The following TTLL11 variants were observed in gnomAD, a reference collection of about 807,000 sequenced individuals.
TTLL11 encodes the protein tubulin tyrosine ligase like 11, also known as tubulin polyglutamylase TTLL11.
TTLL11 carries 42 observed loss-of-function variants against 51.7 expected under a neutral mutation model. The ratio of observed to expected loss-of-function variants is 0.81; its 90% CI spans 0.64 to 1.05. TTLL11 has a LOEUF of 1.05. TTLL11 is among the 50% of genes least tolerant of loss of function. TTLL11 has a pLI of 0.00. For missense variants in TTLL11, 799 were observed against 940.4 expected (o/e 0.85, Z 1.97); for synonymous variants, 381 against 383.5 (o/e 0.99, Z 0.08).
intron 8 of TTLL11, among the ~76,000 whole-genome samples, chr9:121,846,004 C>G (rs1837505591): frequency 1.3e-5 from 2 of 151,990 alleles, no homozygotes; most frequent in Admixed American, 6.6e-5. Context: ...CGAGACCCAA[C>G]TGAAACACAG....
chr9:122,079,582 G>A (rs946370472), intron 1 of TTLL11, among the ~76,000 whole-genome samples: 7 of 151,894 alleles, frequency 4.6e-5, no homozygotes, highest in South Asian at 2.1e-4. Context: ...GGTGGCGGGC[G>A]CCTATGGTCC....
At chr9:122,004,400 A>G (rs1843575258) in intron 3 of TTLL11, among the ~76,000 whole-genome samples, 1 of 151,362 alleles carries the variant, frequency 6.6e-6, no homozygotes, top group African/African-American at 2.4e-5. Context: ...CCCAGGCTGG[A>G]GTGCAATGGT....
chr9:121,970,862 G>A (rs550980519), intron 6 of TTLL11, among the ~76,000 whole-genome samples: 23 of 152,358 alleles, frequency 1.5e-4, no homozygotes, highest in African/African-American at 5.3e-4. Flanking sequence ...TATACCCAAA[G>A]GATTGTAAAT....
chr9:121,886,565 C>T (rs926359725), intron 6 of TTLL11, among the ~76,000 whole-genome samples: 36 of 152,198 alleles, frequency 2.4e-4, no homozygotes, highest in African/African-American at 8.4e-4. Flanking sequence ...GGGCATGGCC[C>T]TGCGGACACC....
At position 121,916,946 on chromosome 9, in the gene TTLL11, G is replaced by A. The variant is rs370679526; in HGVS notation, c.1482-46198C>T. ...CAATTAAAGGCCCATCCAAGACCCCGTCCCATTTCCTAACATATTACATTC... is the reference window on the plus strand; with the variant it reads ...CAATTAAAGGCCCATCCAAGACCCCATCCCATTTCCTAACATATTACATTC... On this transcript the variant is annotated intron_variant, in intron 6 of 8. Coordinates refer to ENST00000321582, the MANE Select transcript of TTLL11 (RefSeq NM_001139442.2). Among the ~76,000 whole-genome samples the A allele has an allele frequency of 5.3e-5, 8 of 152,234 alleles. No individual in the cohort carries two copies. The East Asian group carries it at 5.8e-4, about 11-fold the overall frequency.
intron 6 of TTLL11, among the ~76,000 whole-genome samples, chr9:121,942,883 C>G (rs1841535403): frequency 6.6e-6 from 1 of 151,910 alleles, no homozygotes; most frequent in Non-Finnish European, 1.5e-5. Flanking sequence ...CAAGCTCCAA[C>G]ATCCCCTCAT....
At chr9:121,938,096 T>G (rs973043902) in intron 6 of TTLL11, among the ~76,000 whole-genome samples, 2 of 152,122 alleles carry the variant, frequency 1.3e-5, no homozygotes, top group African/African-American at 4.8e-5. Flanking sequence ...AAGACCATCC[T>G]GGCCAACATG....
rs745581545 is a variant in TTLL11, at chr9:122,031,713, T to G, written c.693+10A>C. The G allele has an allele frequency of 2.5e-6, 4 of 1,611,252 alleles. No homozygotes were observed. In the African/African-American group the frequency reaches 5.4e-5, roughly 22 times the overall value. ...TAATTCAGGGGTCATGGGGACGGAG[T>G]GCCATCTACCTGAGCAACAAAGAGC... is the stretch of plus-strand genomic sequence containing the variant. On this transcript the variant is annotated intron_variant, in intron 3 of 8. Transcript: ENST00000321582.
chr9:122,024,423 C>T (rs544266301), intron 3 of TTLL11, among the ~76,000 whole-genome samples: 1 of 152,186 alleles, frequency 6.6e-6, no homozygotes, highest in South Asian at 2.1e-4. Flanking sequence ...TTTTTGTAGA[C>T]ATTGACAAGC....
intron 6 of TTLL11, among the ~76,000 whole-genome samples, chr9:121,957,872 C>T (rs539343792): frequency 1.2e-3 from 190 of 152,246 alleles, no homozygotes; most frequent in African/African-American, 4.3e-3. Context: ...CAACTCCTTA[C>T]AGTGGTAGAT....
rs1308759612 is a variant in TTLL11 at position 121,890,258 on chromosome 9, C to T, written c.1482-19510G>A. The stretch of plus-strand genomic sequence containing the variant: ...GAGAAGAGATTCATTCTCCCTCTCC[C>T]CTCACAAGCATCAAGCCAGCCAAGT... On this transcript the variant is annotated intron_variant, in intron 6 of 8. Transcript: ENST00000321582. The surrounding 1 kb of genome is among the most constrained non-coding windows in gnomAD (Gnocchi z 4.3). Among the ~76,000 whole-genome samples, 3 of 152,194 alleles carry T rather than the reference C, an allele frequency of 2.0e-5. No individual in the cohort carries two copies. The highest frequency in any genetic ancestry group is 4.4e-5 in the Non-Finnish European group (3 of 68,032).
At chr9:121,972,626 A>G (rs1444560617) in intron 6 of TTLL11, among the ~76,000 whole-genome samples, 1 of 152,268 alleles carries the variant, frequency 6.6e-6, no homozygotes, top group African/African-American at 2.4e-5. Flanking sequence ...GACTCAGACT[A>G]TGACCAATAC....
At chr9:121,981,867 G>C (rs1588173918) in intron 4 of TTLL11, among the ~76,000 whole-genome samples, 1 of 152,230 alleles carries the variant, frequency 6.6e-6, no homozygotes, top group East Asian at 1.9e-4. Flanking sequence ...CACTCTGTTC[G>C]GGGCTCAAAT....
At chr9:121,974,812 A>C (rs770572483) in intron 5 of TTLL11, 72 bp downstream of exon 5, 110 of 1,164,218 alleles carry the variant, frequency 9.4e-5, no homozygotes, top group Non-Finnish European at 1.0e-4. Context: ...TTGTTTTGTT[A>C]AGTGAGCAAC....
At position 121,860,330 on chromosome 9, in the gene TTLL11, C is replaced by T. The variant is rs1401209423; in HGVS notation, c.1840+7G>A. On this transcript the variant is annotated splice_region_variant and intron_variant, in intron 8 of 8. Coordinates refer to ENST00000321582, the MANE Select transcript of TTLL11 (RefSeq NM_001139442.2). ...CACAGGCCATGGCAGAGGCATTTGT[C>T]AAATACCTGAGTCCCGCTGGTCCAG... 1.9e-6 allele frequency: 3 copies of T among 1,550,348 alleles called. No individual in the cohort carries two copies. The highest frequency in any genetic ancestry group is 8.7e-7 in the Non-Finnish European group (1 of 1,146,248).
At position 122,092,988 on chromosome 9, in the gene TTLL11, T is replaced by C. The variant is rs768489560; in HGVS notation, c.161A>G (p.Lys54Arg). ...GACCTTGGGCTGCTCCTCCCCTGCCTTGCACTCCGGTTCCCCGGCCGCGCC... is the reference window on the plus strand; with the variant it reads ...GACCTTGGGCTGCTCCTCCCCTGCCCTGCACTCCGGTTCCCCGGCCGCGCC... ...DAGAAGEPEC[K>R]AGEEQPKVLA... Residue 54 changes from lysine (K) to arginine (R), a missense_variant, in exon 1 of 9, where the codon AAG becomes AGG. Transcript: ENST00000321582. 1 of 1,560,478 alleles carries C rather than the reference T, an allele frequency of 6.4e-7. No homozygotes were observed. Among genetic ancestry groups the C allele is most frequent in the Non-Finnish European group, 8.6e-7 (1 of 1,162,648 alleles).
intron 6 of TTLL11, among the ~76,000 whole-genome samples, chr9:121,897,640 ACG>A (rs57592964): frequency 2.5e-4 from 35 of 139,260 alleles, no homozygotes; most frequent in East Asian, 2.0e-3. Context: ...ACACACACAC[ACG>A]CGCGCGCGAA....
chr9:122,054,103 C>A (rs1297200846), intron 1 of TTLL11, among the ~76,000 whole-genome samples: 2 of 126,838 alleles, frequency 1.6e-5, no homozygotes, highest in African/African-American at 6.7e-5. Flanking sequence ...GCGTGCCATT[C>A]ATCCTTCACT....
chr9:121,879,206 G>T (rs1281853803), intron 6 of TTLL11, among the ~76,000 whole-genome samples: 2 of 152,140 alleles, frequency 1.3e-5, no homozygotes, highest in Non-Finnish European at 2.9e-5. Context: ...CTAGTCACCA[G>T]CCCTCAGTGG....
Sources: gnomAD v4.1 joint callset for allele counts (sites outside exome capture counted in the v4.1 genomes callset) on GRCh38, gnomAD v4.1.1 for gene constraint, Gnocchi (gnomAD v3.1) non-coding constraint, MANE v1.5 for transcripts, NCBI Gene and HGNC (gene_info 2026-07-23, HGNC 2026-07-21) for gene names.